The following CD58 variants were observed in gnomAD, a reference collection of about 807,000 sequenced individuals.
CD58 encodes lymphocyte function-associated antigen 3.
CD58 carries 14 observed loss-of-function variants against 27.6 expected under a neutral mutation model. That is an observed-to-expected ratio of 0.51 (90% CI 0.34 to 0.79). CD58 has a LOEUF of 0.79. CD58 is among the 30% of genes least tolerant of loss of function. CD58 has a pLI of 0.02. For missense variants in CD58, 268 were observed against 301.7 expected (o/e 0.89, Z 0.83); for synonymous variants, 117 against 103.8 (o/e 1.13, Z -0.77).
Position 116,521,104 on chromosome 1 carries a change from A to G in CD58, c.706+802T>C, listed in dbSNP as rs113961337. On this transcript the variant is annotated intron_variant, in intron 4 of 5. Coordinates refer to ENST00000369489, the MANE Select transcript of CD58 (RefSeq NM_001779.3). This position sits in a 1 kb window ranked among gnomAD's most constrained non-coding sequence, Gnocchi z 5.6. ...TTTTAAATGATATATTTAAATAATC[A>G]TATGTGGCTAATTGGCTACTATACT... is the stretch of plus-strand genomic sequence containing the variant. Among the ~76,000 whole-genome samples the G allele has an allele frequency of 6.6e-6, 1 of 152,152 alleles. No homozygotes were observed.
At position 116,544,600 on chromosome 1, in the gene CD58, G is replaced by A. The variant is rs755502163; in HGVS notation, c.75C>T (p.Phe25=). 6.0e-5 allele frequency: 95 copies of A among 1,573,686 alleles called. No homozygotes were observed. The highest frequency in any genetic ancestry group is 4.3e-6 in the Non-Finnish European group (5 of 1,162,438). The part of the protein sequence containing the change: ...SVVCLLHCFG[F]ISCFSQQIYG... Reference sequence around the variant, plus strand: ...ATATTTGTTGGGAAAAACAGCTGATGAAACCTAGGAGAGAAAAAAAAATTG... The same window carrying A: ...ATATTTGTTGGGAAAAACAGCTGATAAAACCTAGGAGAGAAAAAAAAATTG... Residue 25 remains phenylalanine, a synonymous_variant, in exon 2 of 6, where the codon TTC becomes TTT. Transcript: ENST00000369489.
At position 116,534,838 on chromosome 1, in the gene CD58, T is replaced by C. The variant is rs950691401; in HGVS notation, c.628+1127A>G. On this transcript the variant is annotated intron_variant, in intron 3 of 5. Transcript: ENST00000369489. The surrounding 1 kb of genome is among the most constrained non-coding windows in gnomAD (Gnocchi z 5.3). ...CTCACCAGTTAAAATCCAAGTTTCA[T>C]ATATTTCTTGTATTTGCTAATTTCC... is the stretch of plus-strand genomic sequence containing the variant. Among the ~76,000 whole-genome samples the C allele has an allele frequency of 2.0e-5, 3 of 152,228 alleles. No homozygotes were observed. The highest frequency in any genetic ancestry group is 4.4e-5 in the Non-Finnish European group (3 of 68,036).
rs1657903604 is a variant in CD58, at chr1:116,538,939, C to T, written c.365-2711G>A. Among the ~76,000 whole-genome samples the T allele has an allele frequency of 1.3e-5, 2 of 152,206 alleles. No homozygotes were observed. Among genetic ancestry groups the T allele is most frequent in the African/African-American group, 2.4e-5 (1 of 41,450 alleles). The stretch of plus-strand genomic sequence containing the variant: ...CAAAGAGGTACAGTATGGTGTTTAG[C>T]ATGGACTCAGAAGCCCAGCTGCCTG... On this transcript the variant is annotated intron_variant, in intron 2 of 5. Transcript: ENST00000369489. The surrounding 1 kb of genome is among the most constrained non-coding windows in gnomAD (Gnocchi z 4.7).
rs1571083165 is a variant in CD58 at position 116,552,530 on chromosome 1, A to G, written c.71-7926T>C. On this transcript the variant is annotated intron_variant, in intron 1 of 5. Transcript: ENST00000369489. This position sits in a 1 kb window ranked among gnomAD's most constrained non-coding sequence, Gnocchi z 4.5. ...TTATCTGTGAAGTGCAATAAAGTGA[A>G]ATGCAATAAAAGGAGGTGTGCCTGA... Among the ~76,000 whole-genome samples the G allele has an allele frequency of 6.6e-6, 1 of 152,350 alleles. No homozygotes were observed. Among genetic ancestry groups the G allele is most frequent in the East Asian group, 1.9e-4 (1 of 5,186 alleles).
intron 1 of CD58, 66 bp from the exon 2 acceptor site, chr1:116,544,670 G>A: frequency 1.8e-6 from 2 of 1,124,134 alleles, no homozygotes; most frequent in Non-Finnish European, 2.5e-6. Context: ...TTATTCATCA[G>A]GTACTTTTTG....
chr1:116,560,092 C>T (rs1314588121), intron 1 of CD58: 1 of 152,504 alleles, frequency 6.6e-6, no homozygotes, highest in Non-Finnish European at 1.5e-5. Flanking sequence ...ACCACAATAA[C>T]TTTTGCACCA....
chr1:116,565,755 T>A (rs1256139134), intron 1 of CD58, among the ~76,000 whole-genome samples: 2 of 150,616 alleles, frequency 1.3e-5, no homozygotes, highest in African/African-American at 4.9e-5. Flanking sequence ...AGAGTCTCAC[T>A]CCGTCACCCA....
At position 116,547,583 on chromosome 1, in the gene CD58, C is replaced by G. The variant is rs181513557; in HGVS notation, c.71-2979G>C. Among the ~76,000 whole-genome samples, 317 of 152,218 alleles carry G rather than the reference C, an allele frequency of 2.1e-3. 2 individuals carry two copies. Among genetic ancestry groups the G allele is most frequent in the African/African-American group, 7.3e-3 (303 of 41,532 alleles). ...TGACCTCGTGATCTGCCCGCCTTGGCCTCCCAAAGTGCTGGGATTACAGAC... is the reference window on the plus strand; with the variant it reads ...TGACCTCGTGATCTGCCCGCCTTGGGCTCCCAAAGTGCTGGGATTACAGAC... On this transcript the variant is annotated intron_variant, in intron 1 of 5. Transcript: ENST00000369489.
chr1:116,553,700 A>C (rs1175185851), intron 1 of CD58, among the ~76,000 whole-genome samples: 1 of 152,222 alleles, frequency 6.6e-6, no homozygotes, highest in Non-Finnish European at 1.5e-5. Context: ...TGCTAAGTAC[A>C]CAGGTCTGGG....
At chr1:116,565,354 A>T (rs1040693986) in intron 1 of CD58, among the ~76,000 whole-genome samples, 3 of 152,202 alleles carry the variant, frequency 2.0e-5, no homozygotes, top group Non-Finnish European at 2.9e-5. Flanking sequence ...CTTGAAGCCT[A>T]TCTCAGGGTC....
chr1:116,564,619 G>A (rs564522143), intron 1 of CD58, among the ~76,000 whole-genome samples: 1 of 152,348 alleles, frequency 6.6e-6, no homozygotes, highest in Admixed American at 6.5e-5. Flanking sequence ...GCAAGAGAGA[G>A]CTTGTGCAGG....
rs546450615 is a variant in CD58, at chr1:116,557,279, G to T, written c.71-12675C>A. 2.5e-3 allele frequency among the ~76,000 whole-genome samples: 376 copies of T among 152,314 alleles called. No individual in the cohort carries two copies. The highest frequency in any genetic ancestry group is 4.2e-3 in the Non-Finnish European group (285 of 68,038). ...CTGAAGAAGGAGGACTTCGTAAGGA[G>T]AGATGGAGAAAGAAGTTTAACTGGA... On this transcript the variant is annotated intron_variant, in intron 1 of 5. Transcript: ENST00000369489. This position sits in a 1 kb window ranked among gnomAD's most constrained non-coding sequence, Gnocchi z 5.2.
chr1:116,565,865 C>T (rs905935446), intron 1 of CD58, among the ~76,000 whole-genome samples: 8 of 151,908 alleles, frequency 5.3e-5, no homozygotes, highest in Non-Finnish European at 8.8e-5. Context: ...GAATTACAGG[C>T]GTGTGCCACC....
Position 116,534,072 on chromosome 1 carries a change from TGA to T in CD58, c.628+1891_628+1892del. On this transcript the variant is annotated intron_variant, in intron 3 of 5. Transcript: ENST00000369489. This position sits in a 1 kb window ranked among gnomAD's most constrained non-coding sequence, Gnocchi z 5.3. ...CCACGAAATCTGAAGGAACCCCATC[TGA>T]AAAACTGTTATCTGCCATCTGAATG... is the stretch of plus-strand genomic sequence containing the variant. The T allele has an allele frequency of 1.2e-6, 1 of 861,602 alleles. No homozygotes were observed. The highest frequency in any genetic ancestry group is 2.0e-6 in the Non-Finnish European group (1 of 504,038). The allele number at this position is 861,602 out of a possible 1,614,324, so 53.4% of individuals were successfully genotyped here.
chr1:116,544,767 G>T (rs777178670), intron 1 of CD58, among the ~76,000 whole-genome samples, 163 bp from the exon 2 acceptor site: 1 of 152,162 alleles, frequency 6.6e-6, no homozygotes, highest in Non-Finnish European at 1.5e-5. Context: ...AGAAAACTGG[G>T]ACCTGCATAA....
At position 116,559,448 on chromosome 1, in the gene CD58, G is replaced by A. The variant is rs1428150367; in HGVS notation, c.70+11455C>T. On this transcript the variant is annotated intron_variant, in intron 1 of 5. Transcript: ENST00000369489. The surrounding 1 kb of genome is among the most constrained non-coding windows in gnomAD (Gnocchi z 4.4). The stretch of plus-strand genomic sequence containing the variant: ...GCCCCAGAGCCTGCACTGTTGGCCA[G>A]AACATCAGATGCCTTGGTTGGGGCC... Among the ~76,000 whole-genome samples the A allele has an allele frequency of 6.6e-6, 1 of 152,236 alleles. No individual in the cohort carries two copies. The highest frequency in any genetic ancestry group is 1.5e-5 in the Non-Finnish European group (1 of 68,040).
chr1:116,533,133 A>G lies in CD58; in HGVS notation c.628+2832T>C, dbSNP rs192923995. The G allele has an allele frequency of 1.2e-3, 903 of 753,994 alleles. 7 individuals carry two copies. Among genetic ancestry groups the G allele is most frequent in the South Asian group, 5.0e-3 (363 of 72,674 alleles). The allele number at this position is 753,994 out of a possible 1,614,324, so 46.7% of individuals were successfully genotyped here. A position where few individuals can be genotyped will look rare whatever the true frequency, so the allele number is the denominator to read the frequency against. ...GGTCCGCTCACGGAAAAAGTGTCCA[A>G]TTTCAAAATCAGAGGCTAATACGAA... is the stretch of plus-strand genomic sequence containing the variant. On this transcript the variant is annotated intron_variant, in intron 3 of 5. Transcript: ENST00000369489.
chr1:116,569,409 G>A (rs1171278819), intron 1 of CD58, among the ~76,000 whole-genome samples: 1 of 152,046 alleles, frequency 6.6e-6, no homozygotes, highest in Non-Finnish European at 1.5e-5. Context: ...AGCTCTCTCA[G>A]CTCAGAGAAT....
chr1:116,561,768 C>T (rs1436283847), intron 1 of CD58, among the ~76,000 whole-genome samples: 1 of 152,150 alleles, frequency 6.6e-6, no homozygotes, highest in African/African-American at 2.4e-5. Flanking sequence ...TTCACTCTGC[C>T]ACTTATTTGC....
Sources: gnomAD v4.1 joint callset for allele counts (sites outside exome capture counted in the v4.1 genomes callset) on GRCh38, gnomAD v4.1.1 for gene constraint, Gnocchi (gnomAD v3.1) non-coding constraint, MANE v1.5 for transcripts, NCBI Gene and HGNC (gene_info 2026-07-23, HGNC 2026-07-21) for gene names.